The following MPZL1 variants were observed in gnomAD, a reference collection of about 807,000 sequenced individuals.
MPZL1 encodes myelin protein zero-like protein 1.
Under a neutral mutation model 29.3 loss-of-function variants are expected in MPZL1, and 16 were observed. The ratio of observed to expected loss-of-function variants is 0.55; its 90% CI spans 0.37 to 0.83. MPZL1 has a LOEUF of 0.83. Among genes scored for constraint, MPZL1 ranks in the 40% least tolerant of loss-of-function variants. The pLI is 0.00. For synonymous variants in MPZL1, 143 were observed against 132.0 expected (o/e 1.08, Z -0.57); for missense variants, 279 against 332.9 (o/e 0.84, Z 1.26).
At chr1:167,778,810 G>T (rs987270527) in intron 5 of MPZL1, among the ~76,000 whole-genome samples, 5 of 151,494 alleles carry the variant, frequency 3.3e-5, no homozygotes, top group African/African-American at 1.2e-4. Context: ...ATTGGATGGT[G>T]TTAACAACAG....
At chr1:167,771,528 C>T (rs773174556) in intron 2 of MPZL1, among the ~76,000 whole-genome samples, 8 of 152,166 alleles carry the variant, frequency 5.3e-5, no homozygotes, top group Non-Finnish European at 8.8e-5. Flanking sequence ...GTTGGGTACA[C>T]GTGCAGAAAG....
At chr1:167,739,773 C>G (rs1367891475) in intron 1 of MPZL1, among the ~76,000 whole-genome samples, 1 of 152,170 alleles carries the variant, frequency 6.6e-6, no homozygotes, top group Non-Finnish European at 1.5e-5. Context: ...AGTCACTACT[C>G]TAAACATCTA....
chr1:167,788,445 A>AC lies in MPZL1; in HGVS notation c.*524_*525insC, dbSNP rs1243120489. 6.6e-6 allele frequency: 1 copy of AC among 152,654 alleles called. No individual in the cohort carries two copies. The highest frequency in any genetic ancestry group is 2.4e-5 in the African/African-American group (1 of 41,456). 9.5% of individuals were successfully genotyped at this position (152,654 alleles called of 1,614,324 possible). On this transcript the variant is annotated 3_prime_UTR_variant, in exon 6 of 6. Coordinates refer to ENST00000359523, the MANE Select transcript of MPZL1 (RefSeq NM_003953.6). ...TGTCTGCCGCTTTTAAAAAATACCC[A>AC]TTGGCTATGCCACTTGAAAACAATT...
chr1:167,746,160 A>C (rs2213883), intron 1 of MPZL1, among the ~76,000 whole-genome samples: 24,616 of 152,060 alleles, frequency 0.16, 2,343 homozygotes, highest in Middle Eastern at 0.23. Context: ...GTTGCCTTGA[A>C]GGAAGAGTGG....
chr1:167,761,014 A>C (rs749349648), intron 1 of MPZL1, among the ~76,000 whole-genome samples: 3 of 152,178 alleles, frequency 2.0e-5, no homozygotes, highest in African/African-American at 7.2e-5. Context: ...GTAACTTTCA[A>C]AGGTTTTAGA....
At chr1:167,773,133 A>G in intron 3 of MPZL1, 103 bp from the exon 4 acceptor site, 1 of 1,218,574 alleles carries the variant, frequency 8.2e-7, no homozygotes, top group South Asian at 1.4e-5. Context: ...AAAAGAGGGT[A>G]CGGTAACTGC....
At chr1:167,742,245 A>C (rs2101759363) in intron 1 of MPZL1, among the ~76,000 whole-genome samples, 1 of 152,116 alleles carries the variant, frequency 6.6e-6, no homozygotes, top group South Asian at 2.1e-4. Flanking sequence ...GTGAGCAGAG[A>C]TCATGCCACT....
intron 1 of MPZL1, among the ~76,000 whole-genome samples, chr1:167,750,120 A>T (rs1273335114): frequency 2.0e-5 from 3 of 152,236 alleles, no homozygotes; most frequent in African/African-American, 7.2e-5. Context: ...TCTCATTTAC[A>T]GAAAGTTTCA....
chr1:167,722,352 G>C lies in MPZL1; in HGVS notation c.91+110G>C, dbSNP rs886188158. ...GCGCGCGCACTGAGAGCCGAGGTGG[G>C]GAGGGGGCGCGGCCTGCGCTCTCTG... On this transcript the variant is annotated intron_variant, in intron 1 of 5. Transcript: ENST00000359523. 11 of 1,226,008 alleles carry C rather than the reference G, an allele frequency of 9.0e-6. No homozygotes were observed. The African/African-American group carries it at 1.4e-4, about 16-fold the overall frequency. 75.9% of individuals were successfully genotyped at this position (1,226,008 alleles called of 1,614,324 possible).
At chr1:167,765,814 G>C (rs576042164) in intron 2 of MPZL1, 65 bp downstream of exon 2, 2 of 1,399,424 alleles carry the variant, frequency 1.4e-6, no homozygotes, top group East Asian at 4.9e-5. Flanking sequence ...TGTATAATTG[G>C]TGATCCATTT....
At chr1:167,765,525 G>A (rs746616122) in intron 1 of MPZL1, 58 bp from the exon 2 acceptor site, 2 of 1,433,732 alleles carry the variant, frequency 1.4e-6, no homozygotes, top group Non-Finnish European at 1.9e-6. Context: ...TGGCAAAAAT[G>A]CACAGTGGTA....
intron 1 of MPZL1, among the ~76,000 whole-genome samples, chr1:167,752,282 T>G (rs575561541): frequency 6.6e-6 from 1 of 152,352 alleles, no homozygotes; most frequent in East Asian, 1.9e-4. Context: ...ATTAGCTACA[T>G]ATAGTCTATT....
At chr1:167,723,547 T>C (rs962550540) in intron 1 of MPZL1, among the ~76,000 whole-genome samples, 1 of 152,240 alleles carries the variant, frequency 6.6e-6, no homozygotes, top group Non-Finnish European at 1.5e-5. Context: ...AAGTAGAAAA[T>C]AGCCTAAAAT....
chr1:167,744,406 G>A lies in MPZL1; in HGVS notation c.92-21177G>A, dbSNP rs552871315. Among the ~76,000 whole-genome samples the A allele has an allele frequency of 1.6e-4, 25 of 151,966 alleles. No individual in the cohort carries two copies. The South Asian group carries it at 3.9e-3, about 24-fold the overall frequency. The stretch of plus-strand genomic sequence containing the variant: ...GTTCTTTAAAAACCAAAAAAAGGCC[G>A]GGCACAGTGGCTCATGCCTGTAATC... On this transcript the variant is annotated intron_variant, in intron 1 of 5. Coordinates refer to ENST00000359523, the MANE Select transcript of MPZL1 (RefSeq NM_003953.6).
At chr1:167,759,099 A>G (rs953596991) in intron 1 of MPZL1, among the ~76,000 whole-genome samples, 1 of 152,190 alleles carries the variant, frequency 6.6e-6, no homozygotes, top group Non-Finnish European at 1.5e-5. Flanking sequence ...AAGTTTTTGA[A>G]CCAAAGCTTT....
At position 167,774,048 on chromosome 1, in the gene MPZL1, A is replaced by G. The variant is rs562146610; in HGVS notation, c.605+680A>G. 7 of 152,768 alleles carry G rather than the reference A, an allele frequency of 4.6e-5. No individual in the cohort carries two copies. The East Asian group carries it at 1.2e-3, about 25-fold the overall frequency. 9.5% of individuals were successfully genotyped at this position (152,768 alleles called of 1,614,324 possible). On this transcript the variant is annotated intron_variant, in intron 4 of 5. Transcript: ENST00000359523. ...CTTAAGTAGCTTTATTGCTTTGATCATTCTTAGCTAGATTCACCCAAAATG... is the reference window on the plus strand; with the variant it reads ...CTTAAGTAGCTTTATTGCTTTGATCGTTCTTAGCTAGATTCACCCAAAATG...
chr1:167,772,811 G>A (rs948753488), intron 3 of MPZL1, among the ~76,000 whole-genome samples: 3 of 152,234 alleles, frequency 2.0e-5, no homozygotes, highest in Non-Finnish European at 4.4e-5. Flanking sequence ...TGGGCAGTGG[G>A]AAAGAAGGAG....
At chr1:167,747,273 T>C (rs1660665712) in intron 1 of MPZL1, among the ~76,000 whole-genome samples, 1 of 152,172 alleles carries the variant, frequency 6.6e-6, no homozygotes, top group South Asian at 2.1e-4. Flanking sequence ...TAGGCCGGAG[T>C]GCAGTGGTGC....
intron 1 of MPZL1, among the ~76,000 whole-genome samples, chr1:167,743,675 A>AGAAG (rs1373071145): frequency 1.3e-5 from 2 of 150,246 alleles, no homozygotes; most frequent in East Asian, 3.9e-4. Flanking sequence ...CAGCTATTGT[A>AGAAG]GAAGGGGTTG....
Sources: allele counts gnomAD v4.1 joint callset (sites outside exome capture counted in the v4.1 genomes callset), GRCh38; gene constraint gnomAD v4.1.1; transcripts MANE v1.5; gene names NCBI Gene and HGNC (gene_info 2026-07-23, HGNC 2026-07-21).